Variants in C16orf74 observed in about 807,000 individuals in gnomAD.
The protein encoded by C16orf74 is calcimembrin.
A neutral mutation model predicts 6.5 loss-of-function variants in C16orf74; 10 were observed. That is an observed-to-expected ratio of 1.54 (90% CI 0.95 to 2.61). The LOEUF is 2.61. Ranked by LOEUF, C16orf74 falls within the 30% of genes most tolerant of loss-of-function variation. C16orf74 has a pLI of 0.00. For synonymous variants in C16orf74, 60 were observed against 42.5 expected (o/e 1.41, Z -1.60); for missense variants, 141 against 105.9 (o/e 1.33, Z -1.45).
intron 2 of C16orf74, among the ~76,000 whole-genome samples, chr16:85,714,401 ATTATTTAT>A (rs199601898): frequency 0.33 from 45,946 of 140,394 alleles, 7,810 homozygotes; most frequent in Middle Eastern, 0.4. Context: ...TTATTTATTT[ATTATTTAT>A]TTATTTATTT....
At chr16:85,732,598 G>A (rs1327222950) in intron 2 of C16orf74, among the ~76,000 whole-genome samples, 4 of 150,024 alleles carry the variant, frequency 2.7e-5, no homozygotes, top group Admixed American at 6.7e-5. Flanking sequence ...CCCGGGAGGC[G>A]GGGGTTGCAG....
At chr16:85,730,774 C>T (rs1323497640) in intron 2 of C16orf74, among the ~76,000 whole-genome samples, 1 of 151,498 alleles carries the variant, frequency 6.6e-6, no homozygotes, top group Non-Finnish European at 1.5e-5. Context: ...CCAGACCAGA[C>T]AACTTAAACC....
At chr16:85,749,068 A>T (rs2054406881) in intron 1 of C16orf74, among the ~76,000 whole-genome samples, 1 of 151,582 alleles carries the variant, frequency 6.6e-6, no homozygotes, top group African/African-American at 2.4e-5. Context: ...GGTGTGAGCC[A>T]CTGTGCCTGG....
chr16:85,730,522 C>G (rs572518217), intron 2 of C16orf74, among the ~76,000 whole-genome samples: 13 of 140,774 alleles, frequency 9.2e-5, no homozygotes, highest in Admixed American at 4.3e-4. Flanking sequence ...CCACATCAGC[C>G]GAGGGAACCC....
intron 1 of C16orf74, among the ~76,000 whole-genome samples, chr16:85,745,725 G>A (rs975843102): frequency 7.0e-6 from 1 of 143,270 alleles, no homozygotes; most frequent in Non-Finnish European, 1.5e-5. Context: ...AGAATCTCCC[G>A]CTGACTGAGG....
chr16:85,729,223 A>G (rs2054164032), intron 2 of C16orf74, among the ~76,000 whole-genome samples: 1 of 152,190 alleles, frequency 6.6e-6, no homozygotes, highest in African/African-American at 2.4e-5. Context: ...CCCTGTCTGT[A>G]GAGTTCAGCA....
At chr16:85,734,467 G>A (rs998053727) in intron 2 of C16orf74, among the ~76,000 whole-genome samples, 4 of 152,138 alleles carry the variant, frequency 2.6e-5, no homozygotes, top group African/African-American at 7.2e-5. Context: ...AGGTGGCCCC[G>A]GGGCAGGCTA....
intron 2 of C16orf74, among the ~76,000 whole-genome samples, chr16:85,718,759 A>G (rs754672853): frequency 2.6e-5 from 4 of 152,352 alleles, no homozygotes; most frequent in East Asian, 1.9e-4. Flanking sequence ...TGTCATTCAG[A>G]TCACGAGTTG....
chr16:85,708,237 A>G (rs2053932954), intron 3 of C16orf74, among the ~76,000 whole-genome samples, 171 bp from the exon 4 acceptor site: 1 of 151,902 alleles, frequency 6.6e-6, no homozygotes, highest in Non-Finnish European at 1.5e-5. Flanking sequence ...GGTGAATCGG[A>G]CCCCGGAACT....
intron 2 of C16orf74, among the ~76,000 whole-genome samples, chr16:85,716,636 G>A (rs1375014863): frequency 6.7e-6 from 1 of 149,062 alleles, no homozygotes; most frequent in South Asian, 2.1e-4. Flanking sequence ...AGGAGGAGGA[G>A]GGAGCAGACA....
chr16:85,722,808 G>T (rs928884713), intron 2 of C16orf74, among the ~76,000 whole-genome samples: 5 of 152,248 alleles, frequency 3.3e-5, no homozygotes, highest in Non-Finnish European at 5.9e-5. Flanking sequence ...GCAGTGACAG[G>T]TCCCTCAGCA....
rs763928620 is a variant in C16orf74, at chr16:85,707,938, G to A, written c.*70C>T. 2.5e-5 allele frequency: 34 copies of A among 1,368,880 alleles called. No individual in the cohort carries two copies. The highest frequency in any genetic ancestry group is 3.3e-5 in the Non-Finnish European group (33 of 986,760). 84.8% of individuals were successfully genotyped at this position (1,368,880 alleles called of 1,614,324 possible). A position where few individuals can be genotyped will look rare whatever the true frequency, so the allele number is the denominator to read the frequency against. On this transcript the variant is annotated 3_prime_UTR_variant, in exon 4 of 4. Transcript: ENST00000284245. Reference sequence around the variant, plus strand: ...GTATTCAGCACACCTGCTCCAGGCAGCCACGCCCCCGGACACCTGAAGCCG... The same window carrying A: ...GTATTCAGCACACCTGCTCCAGGCAACCACGCCCCCGGACACCTGAAGCCG...
chr16:85,722,918 C>T (rs79537088), intron 2 of C16orf74, among the ~76,000 whole-genome samples: 3,534 of 152,292 alleles, frequency 0.023, 125 homozygotes, highest in African/African-American at 0.081. Flanking sequence ...GTTATCCCGC[C>T]CAGCTCATCC....
chr16:85,727,257 G>C (rs889244695), intron 2 of C16orf74, among the ~76,000 whole-genome samples: 1 of 152,212 alleles, frequency 6.6e-6, no homozygotes, highest in Non-Finnish European at 1.5e-5. Flanking sequence ...GGTTGACCAG[G>C]GGCTAGACGC....
rs747227433 is a variant in C16orf74, at chr16:85,708,012, G to A, written c.227C>T (p.Ala76Val). Reference protein sequence around the residue: ...CPDDGEIDPEA With the variant: ...CPDDGEIDPEV ...AGCCAAACCCAGGACACCTCCTCAG[G>A]CTTCTGGGTCGATTTCTCCATCATC... The change falls in exon 4 of 4, where the codon GCC (alanine) becomes GTC (valine). Residue 76 changes from alanine to valine, a missense_variant. Coordinates refer to ENST00000284245, the MANE Select transcript of C16orf74 (RefSeq NM_206967.3). 4 of 1,552,620 alleles carry A rather than the reference G, an allele frequency of 2.6e-6. No individual in the cohort carries two copies. The highest frequency in any genetic ancestry group is 3.5e-6 in the Non-Finnish European group (4 of 1,147,532).
At chr16:85,709,498 A>G (rs559534457) in intron 3 of C16orf74, among the ~76,000 whole-genome samples, 805 of 53,766 alleles carry the variant, frequency 0.015, 9 homozygotes, top group African/African-American at 0.038. Flanking sequence ...CCCCAATGTT[A>G]TTATTATTAT....
In C16orf74 at chr16:85,725,074, G is replaced by A. The variant is rs1030261566; in HGVS notation, c.28+10116C>T. The stretch of plus-strand genomic sequence containing the variant: ...AAGCATGGGTGACTGATGGGGGGGG[G>A]ACCGGCTAAGTCCCTGCTGTAAGCC... On this transcript the variant is annotated intron_variant, in intron 2 of 3. Transcript: ENST00000284245. Among the ~76,000 whole-genome samples, 8 of 151,228 alleles carry A rather than the reference G, an allele frequency of 5.3e-5. No individual in the cohort carries two copies. The East Asian group carries it at 1.4e-3, about 26-fold the overall frequency.
At chr16:85,729,870 C>G (rs2054170181) in intron 2 of C16orf74, among the ~76,000 whole-genome samples, 1 of 152,112 alleles carries the variant, frequency 6.6e-6, no homozygotes, top group South Asian at 2.1e-4. Context: ...GCGGCCCTGC[C>G]AGGGCCGATT....
intron 2 of C16orf74, among the ~76,000 whole-genome samples, chr16:85,733,961 G>A (rs556712946): frequency 2.4e-4 from 37 of 152,310 alleles, no homozygotes; most frequent in African/African-American, 8.9e-4. Context: ...TGGGCCAATC[G>A]GATGCTCTCC....
Sources: gnomAD v4.1 joint callset for allele counts (sites outside exome capture counted in the v4.1 genomes callset) on GRCh38, gnomAD v4.1.1 for gene constraint, MANE v1.5 for transcripts, NCBI Gene and HGNC (gene_info 2026-07-23, HGNC 2026-07-21) for gene names.